Variants in EDARADD observed in about 807,000 individuals in gnomAD.
EDARADD encodes the protein EDAR associated via death domain.
In EDARADD, 20 loss-of-function variants were observed where a neutral mutation model predicts 25.6. The observed-to-expected ratio is 0.78, with a 90% CI of 0.55 to 1.14. The LOEUF (loss-of-function observed/expected upper bound fraction) is 1.14, where lower values mean the gene tolerates loss of function less well. Among genes scored for constraint, EDARADD ranks in the 50% most tolerant of loss-of-function variants. The pLI, the probability that EDARADD is intolerant of heterozygous loss-of-function variation, is 0.00. For missense variants in EDARADD, 225 were observed against 270.1 expected, an observed-to-expected ratio of 0.83 and a Z score of 1.17; for synonymous variants, 86 against 94.4, an observed-to-expected ratio of 0.91 and a Z score of 0.52.
Position 236,395,743 on chromosome 1 carries a change from G to A in EDARADD, c.61+1238G>A, listed in dbSNP as rs1163573741. Reference sequence around the variant, plus strand: ...GGGAGGCGCTCGCAGCAGCCGCAGGGCTATCGAGGCCGGGCCTCGGCGACC... The same window carrying A: ...GGGAGGCGCTCGCAGCAGCCGCAGGACTATCGAGGCCGGGCCTCGGCGACC... On this transcript the variant is annotated intron_variant, in intron 1 of 5. Transcript: ENST00000334232. This position sits in a 1 kb window ranked among gnomAD's most constrained non-coding sequence, Gnocchi z 6.9. 9 of 1,498,946 alleles carry A rather than the reference G, an allele frequency of 6.0e-6. No homozygotes were observed. The highest frequency in any genetic ancestry group is 2.9e-5 in the African/African-American group (2 of 69,116). 92.9% of individuals were successfully genotyped at this position (1,498,946 alleles called of 1,614,324 possible).
At chr1:236,394,616 C>CT in intron 1 of EDARADD, 111 bp downstream of exon 1, 1 of 904,174 alleles carries the variant, frequency 1.1e-6, no homozygotes, top group Admixed American at 2.9e-5. Context: ...CTATTATTAT[C>CT]TTTTTCGACC....
At chr1:236,391,865 G>T (rs566715595), upstream of EDARADD, among the ~76,000 whole-genome samples, 1 of 152,232 alleles carries the variant, frequency 6.6e-6, no homozygotes, top group East Asian at 1.9e-4. Flanking sequence ...GCAGCCTTGT[G>T]CCCATGAGTT....
intron 3 of EDARADD, among the ~76,000 whole-genome samples, chr1:236,419,545 G>C (rs1657726891): frequency 6.6e-6 from 1 of 152,202 alleles, no homozygotes; most frequent in African/African-American, 2.4e-5. Context: ...TGTGACGAAT[G>C]ACACTTCAGT....
At chr1:236,405,572 C>G (rs902845925) in intron 1 of EDARADD, among the ~76,000 whole-genome samples, 2 of 152,302 alleles carry the variant, frequency 1.3e-5, no homozygotes, top group East Asian at 3.9e-4. Context: ...CAGCTCTAGA[C>G]TTGTTTAAGG....
chr1:236,381,550 A>ATTGTT (rs1241234543), intron 3 of EDARADD, among the ~76,000 whole-genome samples: 5 of 151,850 alleles, frequency 3.3e-5, no homozygotes, highest in African/African-American at 1.2e-4. Context: ...CTTTTGAACA[A>ATTGTT]TTGTTTTCAT....
upstream of EDARADD, among the ~76,000 whole-genome samples, chr1:236,389,432 ACAATT>A (rs1276337850): frequency 1.1e-4 from 16 of 152,192 alleles, no homozygotes; most frequent in Admixed American, 1.0e-3. Flanking sequence ...TAGTGAGTAA[ACAATT>A]CAAAGTAAAC....
intron 3 of EDARADD, among the ~76,000 whole-genome samples, chr1:236,384,992 T>G (rs895080337): frequency 5.9e-5 from 9 of 152,034 alleles, no homozygotes; most frequent in Admixed American, 6.6e-5. Flanking sequence ...TTTATCCAAG[T>G]CTATTCCCTG....
intron 4 of EDARADD, among the ~76,000 whole-genome samples, chr1:236,447,169 C>CT (rs1558127340): frequency 8.9e-4 from 88 of 98,800 alleles, no homozygotes; most frequent in East Asian, 2.0e-3. Flanking sequence ...TCCCTCCCTC[C>CT]CTCTTTCTTT....
At chr1:236,454,108 T>G (rs562094459) in intron 4 of EDARADD, among the ~76,000 whole-genome samples, 1 of 152,110 alleles carries the variant, frequency 6.6e-6, no homozygotes, top group Non-Finnish European at 1.5e-5. Flanking sequence ...TGCAGTGGCG[T>G]GATCTTGGCT....
intron 4 of EDARADD, among the ~76,000 whole-genome samples, chr1:236,464,318 T>C (rs1187044844): frequency 6.7e-6 from 1 of 150,216 alleles, no homozygotes; most frequent in Non-Finnish European, 1.5e-5. Flanking sequence ...GGTTCAATGA[T>C]AGCTCACTGC....
At chr1:236,404,743 C>T (rs1186238234) in intron 1 of EDARADD, among the ~76,000 whole-genome samples, 1 of 151,948 alleles carries the variant, frequency 6.6e-6, no homozygotes, top group Non-Finnish European at 1.5e-5. Flanking sequence ...GTTGAGGCTG[C>T]AGTAAGCGGT....
chr1:236,446,002 G>A (rs1334669397), intron 4 of EDARADD, among the ~76,000 whole-genome samples: 1 of 152,226 alleles, frequency 6.6e-6, no homozygotes, highest in Non-Finnish European at 1.5e-5. Flanking sequence ...AATTGTCGGA[G>A]AGTGAGAAGT....
intron 4 of EDARADD, among the ~76,000 whole-genome samples, chr1:236,429,110 T>A (rs1658022061): frequency 6.6e-6 from 1 of 151,716 alleles, no homozygotes; most frequent in Admixed American, 6.6e-5. Context: ...CGGCTGGGCA[T>A]CAGAGGGAGA....
At chr1:236,361,169 G>A (rs138975883) in intron 3 of EDARADD, among the ~76,000 whole-genome samples, 3 of 152,168 alleles carry the variant, frequency 2.0e-5, no homozygotes, top group Non-Finnish European at 4.4e-5. Context: ...CCATATTGAA[G>A]ACAGTGAACA....
chr1:236,450,049 C>T (rs919241640), intron 4 of EDARADD, among the ~76,000 whole-genome samples: 3 of 151,278 alleles, frequency 2.0e-5, no homozygotes, highest in African/African-American at 2.4e-5. Context: ...TGCAGTGAGC[C>T]GAGATTACAC....
intron 4 of EDARADD, among the ~76,000 whole-genome samples, chr1:236,439,949 A>G (rs1002124004): frequency 8.5e-5 from 13 of 152,146 alleles, no homozygotes; most frequent in Admixed American, 2.0e-4. Flanking sequence ...ATTGTCTCCT[A>G]TGCTATCTTC....
rs1194290811 is a variant in EDARADD at position 236,386,129 on chromosome 1, G to A, written c.-5-23087G>A. On this transcript the variant is annotated intron_variant, in intron 3 of 7. Transcript: ENST00000439430. ...GGGGTTTCGCTGTGTTGACCGGGCC[G>A]GTCTCCAGCCCCTAACCGCGAGTGA... is the stretch of plus-strand genomic sequence containing the variant. 5.9e-5 allele frequency among the ~76,000 whole-genome samples: 2 copies of A among 33,982 alleles called. 1 individual carries two copies. The highest frequency in any genetic ancestry group is 1.4e-4 in the Non-Finnish European group (2 of 14,518). 22.3% of individuals were successfully genotyped at this position (33,982 alleles called of 152,430 possible). A position where few individuals can be genotyped will look rare whatever the true frequency, so the allele number is the denominator to read the frequency against.
At position 236,397,044 on chromosome 1, in the gene EDARADD, T is replaced by G. The variant is rs145129711; in HGVS notation, c.61+2539T>G. On this transcript the variant is annotated intron_variant, in intron 1 of 5. Coordinates refer to ENST00000334232, the MANE Select transcript of EDARADD (RefSeq NM_145861.4). ...ATGGAGATAAAATGTAAAATCTACT[T>G]GGGCTCCCCTAAATCGACAGTACCA... Among the ~76,000 whole-genome samples the G allele has an allele frequency of 4.4e-3, 666 of 152,030 alleles. 4 individuals carry two copies. The highest frequency in any genetic ancestry group is 0.015 in the African/African-American group (637 of 41,444).
intron 3 of EDARADD, among the ~76,000 whole-genome samples, chr1:236,373,896 C>T (rs1352073405): frequency 1.3e-5 from 2 of 152,082 alleles, no homozygotes; most frequent in African/African-American, 4.8e-5. Context: ...TAAAATTTAT[C>T]TTTTGATTTC....
Sources: allele counts gnomAD v4.1 joint callset (sites outside exome capture counted in the v4.1 genomes callset), GRCh38; gene constraint gnomAD v4.1.1; non-coding constraint Gnocchi (gnomAD v3.1); transcripts MANE v1.5; gene names NCBI Gene and HGNC (gene_info 2026-07-23, HGNC 2026-07-21).